The following PKD1L1 variants were observed in gnomAD, a reference collection of about 807,000 sequenced individuals.
The protein encoded by PKD1L1 is polycystin 1 like 1, transient receptor potential channel interacting, also known as polycystin-1-like protein 1.
PKD1L1 carries 236 observed loss-of-function variants against 323.4 expected under a neutral mutation model. The observed-to-expected ratio is 0.73, with a 90% CI of 0.66 to 0.81. PKD1L1 has a LOEUF of 0.81. Among genes scored for constraint, PKD1L1 ranks in the 40% least tolerant of loss-of-function variants. The pLI, the probability that PKD1L1 is intolerant of heterozygous loss-of-function variation, is 0.00. For missense variants in PKD1L1, 3,320 were observed against 3,508.0 expected, an observed-to-expected ratio of 0.95 and a Z score of 1.35; for synonymous variants, 1,344 against 1,335.0, an observed-to-expected ratio of 1.01 and a Z score of -0.15.
At chr7:47,870,983 A>G (rs1562966441) in intron 24 of PKD1L1, among the ~76,000 whole-genome samples, 1 of 101,728 alleles carries the variant, frequency 9.8e-6, no homozygotes, top group African/African-American at 4.0e-5. Flanking sequence ...AAAAAAAAAA[A>G]GAAAAAAAAA....
At chr7:47,928,206 A>G (rs1787690413) in intron 7 of PKD1L1, among the ~76,000 whole-genome samples, 1 of 152,226 alleles carries the variant, frequency 6.6e-6, no homozygotes. Context: ...ACTTTTTACT[A>G]TATAACTTTC....
At position 47,936,947 on chromosome 7, in the gene PKD1L1, TTTCCAAATG is replaced by T; in HGVS notation, c.288_296del (p.Asn96_Trp98del). The T allele has an allele frequency of 6.2e-7, 1 of 1,608,152 alleles. No homozygotes were observed. The highest frequency in any genetic ancestry group is 8.5e-7 in the Non-Finnish European group (1 of 1,178,018). On this transcript the variant is annotated inframe_deletion and splice_region_variant, in exon 4 of 57. Transcript: ENST00000289672. ...CACTTAACGCTGCTTCACTAGTTGTTTTCCAAATGTTCTGTAAGAAAAAATAATAAAATA... is the reference window on the plus strand; with the variant it reads ...CACTTAACGCTGCTTCACTAGTTGTTTTCTGTAAGAAAAAATAATAAAATA...
chr7:47,858,770 A>G lies in PKD1L1; in HGVS notation c.4265T>C (p.Leu1422Pro), dbSNP rs775787809. Residue 1422 changes from leucine to proline, a missense_variant, in exon 27 of 57, where the codon CTC becomes CCC. By Grantham distance (98) the Leu-to-Pro change is moderately conservative. Transcript: ENST00000289672. ...AGAGACTTCCCAGACTCTGGATATG[A>G]GACCGATGAGCTCAAGCCTCACTCC... ...DKGVRLELIG[L>P]ISRVWEVSEQ... The G allele has an allele frequency of 6.2e-7, 1 of 1,614,102 alleles. No individual in the cohort carries two copies. The highest frequency in any genetic ancestry group is 8.5e-7 in the Non-Finnish European group (1 of 1,180,044).
intron 45 of PKD1L1, 104 bp downstream of exon 45, chr7:47,827,246 C>T (rs1268807634): frequency 9.5e-7 from 1 of 1,056,822 alleles, no homozygotes; most frequent in African/African-American, 1.6e-5. Context: ...ACTCCCCACT[C>T]CTCCAGGAGA....
At chr7:47,827,217 C>T (rs2128734187) in intron 45 of PKD1L1, 133 bp downstream of exon 45, 1 of 731,994 alleles carries the variant, frequency 1.4e-6, no homozygotes, top group East Asian at 2.7e-5. Flanking sequence ...CTGGGGACAG[C>T]AAGGTGGTCC....
the PKD1L1 span, among the ~76,000 whole-genome samples, chr7:47,959,641 G>T: frequency 8.2e-6 from 1 of 121,398 alleles, no homozygotes; most frequent in African/African-American, 2.7e-5. Flanking sequence ...ACCCCATCCG[G>T]GAGGGAGGTG....
intron 27 of PKD1L1, among the ~76,000 whole-genome samples, chr7:47,858,140 G>T (rs1357134839): frequency 6.6e-6 from 1 of 152,168 alleles, no homozygotes; most frequent in African/African-American, 2.4e-5. Flanking sequence ...ATGCTAAATT[G>T]GTAGAAGAGG....
chr7:47,839,809 T>A lies in PKD1L1; in HGVS notation c.5553-147A>T. The A allele has an allele frequency of 1.2e-6, 1 of 803,682 alleles. No individual in the cohort carries two copies. The allele number at this position is 803,682 out of a possible 1,614,324, so 49.8% of individuals were successfully genotyped here. A position where few individuals can be genotyped will look rare whatever the true frequency, so the allele number is the denominator to read the frequency against. On this transcript the variant is annotated intron_variant, in intron 35 of 56. Coordinates refer to ENST00000289672, the MANE Select transcript of PKD1L1 (RefSeq NM_138295.5). The surrounding 1 kb of genome is among the most constrained non-coding windows in gnomAD (Gnocchi z 4.3). ...AAGGTGACTGACATGCAGAGTGACA[T>A]GTGAAGCCCCCTGGAACCCGGCCAG...
intron 56 of PKD1L1, among the ~76,000 whole-genome samples, chr7:47,790,281 CATTT>C (rs1263346881): frequency 2.0e-5 from 3 of 151,894 alleles, no homozygotes; most frequent in Non-Finnish European, 2.9e-5. Flanking sequence ...TTCATATGCA[CATTT>C]AAACAGTTTT....
intron 45 of PKD1L1, among the ~76,000 whole-genome samples, 154 bp downstream of exon 45, chr7:47,827,196 T>C (rs1021412190): frequency 6.6e-6 from 1 of 152,212 alleles, no homozygotes; most frequent in Admixed American, 6.5e-5. Context: ...GTTATATAAA[T>C]AAGGATGGCT....
chr7:47,912,970 G>C (rs1407280337), intron 8 of PKD1L1, among the ~76,000 whole-genome samples: 1 of 151,990 alleles, frequency 6.6e-6, no homozygotes, highest in Non-Finnish European at 1.5e-5. Flanking sequence ...TCTTCAGACA[G>C]AGTGTCAGGG....
In PKD1L1 at chr7:47,885,974, G is replaced by A. The variant is rs369402293; in HGVS notation, c.2917C>T (p.Pro973Ser). The change falls in exon 18 of 57, where the codon CCC (proline) becomes TCC (serine). Residue 973 changes from proline to serine, a missense_variant. Pro to Ser is a moderately conservative substitution (Grantham distance 74, BLOSUM62 -1). Coordinates refer to ENST00000289672, the MANE Select transcript of PKD1L1 (RefSeq NM_138295.5). The stretch of plus-strand genomic sequence containing the variant: ...GGATCTGCAGTGCCAGGCTCAGTGG[G>A]CAGCAGGTTTAACTGTGATGACTCT... ...ISESSQLNLL[P>S]TEPGTADPDA... 4.3e-6 allele frequency: 7 copies of A among 1,614,120 alleles called. No individual in the cohort carries two copies. The African/African-American group carries it at 9.3e-5, about 22-fold the overall frequency.
chr7:47,928,958 C>T (rs1160666331), intron 7 of PKD1L1, among the ~76,000 whole-genome samples: 1 of 152,164 alleles, frequency 6.6e-6, no homozygotes, highest in African/African-American at 2.4e-5. Context: ...ACCACATCTA[C>T]CTCACAAGGC....
intron 4 of PKD1L1, among the ~76,000 whole-genome samples, chr7:47,935,451 G>A (rs866320819): frequency 5.3e-5 from 8 of 152,306 alleles, no homozygotes; most frequent in South Asian, 4.1e-4. Context: ...AATGGAGTCC[G>A]AAAAACAACA....
chr7:47,927,187 A>G (rs576056728), intron 7 of PKD1L1, among the ~76,000 whole-genome samples: 2 of 152,300 alleles, frequency 1.3e-5, no homozygotes, highest in African/African-American at 4.8e-5. Flanking sequence ...TATACTTAAT[A>G]AAAGTTAAAA....
rs368517085 is a variant in PKD1L1, at chr7:47,821,080, T to A, written c.6961A>T (p.Thr2321Ser). Residue 2321 changes from threonine (T) to serine (S), a missense_variant, in exon 46 of 57, where the codon ACA (threonine) becomes TCA (serine). Physicochemically the swap from Thr to Ser is moderately conservative, Grantham distance 58 (BLOSUM62 1). Coordinates refer to ENST00000289672, the MANE Select transcript of PKD1L1 (RefSeq NM_138295.5). ...AGAGTTACCCAAACCTCCTACCTTG[T>A]AAATTCTTTCCGGATAGCTTGATTG... ...SLNQAIRKEF[T>S]RNARNCLGGL... 145 of 1,577,636 alleles carry A rather than the reference T, an allele frequency of 9.2e-5. No individual in the cohort carries two copies. Among genetic ancestry groups the A allele is most frequent in the Non-Finnish European group, 1.2e-4 (139 of 1,146,926 alleles).
In PKD1L1 at chr7:47,813,288, G is replaced by A; in HGVS notation, c.7179C>T (p.Pro2393=). 1 of 1,614,014 alleles carries A rather than the reference G, an allele frequency of 6.2e-7. No homozygotes were observed. Among genetic ancestry groups the A allele is most frequent in the African/African-American group, 1.3e-5 (1 of 75,020 alleles). ...KVFPRHLCKP[P]RPFSALIEDS... ...CTTCGATGAGTGCTGAAAATGGCCT[G>A]GGAGGCTGCAGAACAAACCAGCAGT... Residue 2393 remains proline, a synonymous_variant, in exon 49 of 57, where the codon CCC becomes CCT. Transcript: ENST00000289672.
At chr7:47,868,212 A>AAATT (rs2128744336) in intron 24 of PKD1L1, among the ~76,000 whole-genome samples, 1 of 152,262 alleles carries the variant, frequency 6.6e-6, no homozygotes, top group East Asian at 1.9e-4. Flanking sequence ...TACTAAAAAT[A>AAATT]CAAAAAATTA....
intron 28 of PKD1L1, among the ~76,000 whole-genome samples, chr7:47,857,210 T>C (rs1234992178): frequency 6.6e-6 from 1 of 152,222 alleles, no homozygotes; most frequent in Admixed American, 6.5e-5. Flanking sequence ...CATTCAGGTA[T>C]ACTCCGCATT....
Sources: allele counts gnomAD v4.1 joint callset (sites outside exome capture counted in the v4.1 genomes callset), GRCh38; gene constraint gnomAD v4.1.1; non-coding constraint Gnocchi (gnomAD v3.1); transcripts MANE v1.5; gene names NCBI Gene and HGNC (gene_info 2026-07-23, HGNC 2026-07-21).